Variants in MGA observed in about 807,000 individuals in gnomAD.
MGA encodes MAX dimerization protein MGA, also known as MAX gene-associated protein.
Under a neutral mutation model 261.1 loss-of-function variants are expected in MGA, and 40 were observed. The observed-to-expected ratio is 0.15, with a 90% CI of 0.12 to 0.20. The LOEUF is 0.20. Ranked by LOEUF, MGA falls within the 10% of genes least tolerant of loss-of-function variation. The pLI, the probability that MGA is intolerant of heterozygous loss-of-function variation, is 1.00. For missense variants in MGA, 3,397 were observed against 3,630.5 expected, an observed-to-expected ratio of 0.94 and a Z score of 1.65; for synonymous variants, 1,302 against 1,290.6, an observed-to-expected ratio of 1.01 and a Z score of -0.19.
chr15:41,713,399 T>C lies in MGA; in HGVS notation c.3333T>C (p.Tyr1111=). The C allele has an allele frequency of 1.2e-6, 2 of 1,601,794 alleles. No homozygotes were observed. Among genetic ancestry groups the C allele is most frequent in the South Asian group, 1.1e-5 (1 of 89,928 alleles). The change falls in exon 9 of 24, where the codon TAT becomes TAC. Residue 1111 remains tyrosine, a synonymous_variant. Coordinates refer to ENST00000219905, the MANE Select transcript of MGA (RefSeq NM_001164273.2). ...CTGCTCATCGAGATCCAGTATTTTATGATACTCTGGGAGAGGAGGCAAGGG... is the reference window on the plus strand; with the variant it reads ...CTGCTCATCGAGATCCAGTATTTTACGATACTCTGGGAGAGGAGGCAAGGG...
intron 2 of MGA, among the ~76,000 whole-genome samples, chr15:41,671,417 A>G (rs1277898869): frequency 6.6e-6 from 1 of 151,992 alleles, no homozygotes; most frequent in African/African-American, 2.4e-5. Flanking sequence ...TCTGGCTCCC[A>G]GGTTCAAGCG....
At chr15:41,673,252 CT>C (rs1337469687) in intron 2 of MGA, among the ~76,000 whole-genome samples, 1 of 151,770 alleles carries the variant, frequency 6.6e-6, no homozygotes, top group Admixed American at 6.6e-5. Context: ...GAGTCTTGCC[CT>C]GTTGCCCAGG....
intron 2 of MGA, among the ~76,000 whole-genome samples, chr15:41,673,007 C>T (rs965079494): frequency 2.6e-5 from 4 of 152,054 alleles, no homozygotes; most frequent in Non-Finnish European, 4.4e-5. Flanking sequence ...GCTACATTTG[C>T]GGTTGCTTGA....
chr15:41,733,252 C>T (rs1023644355), intron 11 of MGA, among the ~76,000 whole-genome samples: 3 of 152,162 alleles, frequency 2.0e-5, no homozygotes, highest in Non-Finnish European at 4.4e-5. Context: ...CCACAACATC[C>T]AGCCTGTTCC....
intron 2 of MGA, among the ~76,000 whole-genome samples, chr15:41,693,121 C>T (rs1362202261): frequency 5.3e-5 from 8 of 152,116 alleles, no homozygotes; most frequent in Admixed American, 1.3e-4. Context: ...ATTACAGGCA[C>T]GAGCCACCAC....
At position 41,699,173 on chromosome 15, in the gene MGA, G is replaced by A. The variant is rs780906823; in HGVS notation, c.2188+14G>A. On this transcript the variant is annotated intron_variant, in intron 5 of 23. Transcript: ENST00000219905. ...GTCTTCAAGAAGGTAATAGACTAGCGACTTCTTTTTTTTTGTTTTCTTTTT... is the reference window on the plus strand; with the variant it reads ...GTCTTCAAGAAGGTAATAGACTAGCAACTTCTTTTTTTTTGTTTTCTTTTT... 4.1e-5 allele frequency: 61 copies of A among 1,502,912 alleles called. No homozygotes were observed. The highest frequency in any genetic ancestry group is 2.3e-4 in the South Asian group (18 of 77,014). 93.1% of individuals were successfully genotyped at this position (1,502,912 alleles called of 1,614,324 possible). A position where few individuals can be genotyped will look rare whatever the true frequency, so the allele number is the denominator to read the frequency against.
At chr15:41,665,000 A>C (rs2057649307) in intron 1 of MGA, among the ~76,000 whole-genome samples, 1 of 152,168 alleles carries the variant, frequency 6.6e-6, no homozygotes, top group South Asian at 2.1e-4. Context: ...TCCTGATATT[A>C]GTGCTTTAGT....
chr15:41,626,683 A>G (rs1449657766), intron 1 of MGA, among the ~76,000 whole-genome samples: 1 of 152,180 alleles, frequency 6.6e-6, no homozygotes, highest in East Asian at 1.9e-4. Context: ...TTGGCTTCCC[A>G]AAGTGCTGGG....
intron 2 of MGA, among the ~76,000 whole-genome samples, chr15:41,678,235 C>T (rs1001525305): frequency 9.2e-5 from 14 of 151,446 alleles, no homozygotes; most frequent in Admixed American, 2.6e-4. Context: ...GGATTACAGG[C>T]GCTGGCCACC....
At chr15:41,714,606 T>A (rs886143262) in intron 9 of MGA, among the ~76,000 whole-genome samples, 4 of 152,028 alleles carry the variant, frequency 2.6e-5, no homozygotes, top group African/African-American at 9.7e-5. Flanking sequence ...TGGGTTCAAA[T>A]GATTTTCCTG....
chr15:41,633,908 C>T (rs557768154), intron 1 of MGA, among the ~76,000 whole-genome samples: 2 of 152,254 alleles, frequency 1.3e-5, no homozygotes, highest in South Asian at 2.1e-4. Context: ...CCTCTTACTT[C>T]TCTGACCTTA....
chr15:41,662,313 T>C (rs1199694826), intron 1 of MGA, among the ~76,000 whole-genome samples: 5 of 152,204 alleles, frequency 3.3e-5, no homozygotes, highest in African/African-American at 1.2e-4. Flanking sequence ...ACCTGTCAGC[T>C]TTCTGGCCCT....
intron 16 of MGA, 58 bp from the exon 17 acceptor site, chr15:41,749,052 TG>T: frequency 6.4e-7 from 1 of 1,554,640 alleles, no homozygotes; most frequent in Non-Finnish European, 8.7e-7. Context: ...AAGCAAACAT[TG>T]GAAGTCTTGA....
In MGA at chr15:41,624,844, G is replaced by T. The variant is rs183591917; in HGVS notation, c.-68+3546G>T. The stretch of plus-strand genomic sequence containing the variant: ...AAAAAACTGGGAAAACAGTTTTCCA[G>T]TCTTGAAATAGAATGAGGCCAGGCA... On this transcript the variant is annotated intron_variant, in intron 1 of 8. Transcript: ENST00000566718. Among the ~76,000 whole-genome samples, 5 of 152,258 alleles carry T rather than the reference G, an allele frequency of 3.3e-5. No homozygotes were observed. The East Asian group carries it at 9.7e-4, about 29-fold the overall frequency.
rs1259253819 is a variant in MGA, at chr15:41,711,213, G to A, written c.2948G>A (p.Ser983Asn). ...CAGCAGCAGCAACAGCAACAGGGAA[G>A]TCGCCCTCCAGGCTTGTCTAAATCT... Residue 983 changes from serine (S) to asparagine (N), a missense_variant, in exon 8 of 24, where the codon AGT becomes AAT. Ser to Asn is a conservative substitution (Grantham distance 46, BLOSUM62 1). Transcript: ENST00000219905. 6.2e-7 allele frequency: 1 copy of A among 1,613,974 alleles called. No homozygotes were observed.
At chr15:41,715,657 A>G (rs992845847) in intron 9 of MGA, among the ~76,000 whole-genome samples, 1 of 152,162 alleles carries the variant, frequency 6.6e-6, no homozygotes. Flanking sequence ...CACCTGTAAT[A>G]TAATAAATTA....
chr15:41,735,472 T>G (rs2061723090), intron 12 of MGA, among the ~76,000 whole-genome samples: 1 of 152,212 alleles, frequency 6.6e-6, no homozygotes, highest in Non-Finnish European at 1.5e-5. Flanking sequence ...GCGCAGTGGC[T>G]CACGCCTGTA....
intron 2 of MGA, among the ~76,000 whole-genome samples, chr15:41,686,070 G>A (rs2058948236): frequency 6.6e-6 from 1 of 151,718 alleles, no homozygotes; most frequent in Admixed American, 6.6e-5. Context: ...ATCCAGCTGA[G>A]TTTTACTAAT....
In MGA at chr15:41,721,700, C is replaced by G. The variant is rs115139654; in HGVS notation, c.3431-5480C>G. Among the ~76,000 whole-genome samples, 732 of 152,288 alleles carry G rather than the reference C, an allele frequency of 4.8e-3. 7 individuals are homozygous for G. The highest frequency in any genetic ancestry group is 0.017 in the African/African-American group (709 of 41,568). ...GAATGGTTATCATTACAAGCCTCTA[C>G]TAATACCAACTATTGATAAAGACAA... On this transcript the variant is annotated intron_variant, in intron 9 of 23. Coordinates refer to ENST00000219905, the MANE Select transcript of MGA (RefSeq NM_001164273.2).
Sources: gnomAD v4.1 joint callset for allele counts (sites outside exome capture counted in the v4.1 genomes callset) on GRCh38, gnomAD v4.1.1 for gene constraint, MANE v1.5 for transcripts, NCBI Gene and HGNC (gene_info 2026-07-23, HGNC 2026-07-21) for gene names.